KLK1: variants seen among roughly 807,000 people sequenced by gnomAD.
The protein encoded by KLK1 is kallikrein 1.
Under a neutral mutation model 23.3 loss-of-function variants are expected in KLK1, and 22 were observed. The observed-to-expected ratio is 0.95, with a 90% CI of 0.68 to 1.35. The LOEUF (loss-of-function observed/expected upper bound fraction) is 1.35, where lower values mean the gene tolerates loss of function less well. KLK1 is among the 40% of genes most tolerant of loss of function. The pLI, the probability that KLK1 is intolerant of heterozygous loss-of-function variation, is 0.00. For missense variants in KLK1, 301 were observed against 338.9 expected, an observed-to-expected ratio of 0.89 and a Z score of 0.88; for synonymous variants, 140 against 135.8, an observed-to-expected ratio of 1.03 and a Z score of -0.21.
At chr19:50,820,067 C>T (rs756775510) in intron 3 of KLK1, 32 bp from the exon 4 acceptor site, 11 of 1,612,878 alleles carry the variant, frequency 6.8e-6, no homozygotes, top group African/African-American at 2.7e-5. Context: ...GGCTGCAGCC[C>T]GACCTCACCT....
chr19:50,819,484 G>T, intron 4 of KLK1, 135 bp from the exon 5 acceptor site: 1 of 866,796 alleles, frequency 1.2e-6, no homozygotes, highest in Non-Finnish European at 1.7e-6. Context: ...CCACAGAGGG[G>T]ACAGGGTCTC....
At position 50,821,673 on chromosome 19, in the gene KLK1, C is replaced by G; in HGVS notation, c.206+39G>C. 1 of 1,538,640 alleles carries G rather than the reference C, an allele frequency of 6.5e-7. No homozygotes were observed. Among genetic ancestry groups the G allele is most frequent in the Non-Finnish European group, 8.8e-7 (1 of 1,139,422 alleles). ...CACTGGCCTGTCAATCCTGTGGCAG[C>G]ATAGATGCCCTCCTCCCAGACCCCA... On this transcript the variant is annotated intron_variant, in intron 2 of 4. Transcript: ENST00000301420. The surrounding 1 kb of genome is among the most constrained non-coding windows in gnomAD (Gnocchi z 5.6).
chr19:50,820,769 G>A (rs1049425201), intron 2 of KLK1: 4 of 229,898 alleles, frequency 1.7e-5, no homozygotes, highest in African/African-American at 6.9e-5. Flanking sequence ...CAGGGACAGC[G>A]AGAAACAGGC....
Position 50,821,609 on chromosome 19 carries a change from A to T in KLK1, c.206+103T>A, listed in dbSNP as rs1445982917. 7.1e-7 allele frequency: 1 copy of T among 1,409,812 alleles called. No individual in the cohort carries two copies. The highest frequency in any genetic ancestry group is 2.6e-5 in the East Asian group (1 of 38,688). The allele number at this position is 1,409,812 out of a possible 1,614,324, so 87.3% of individuals were successfully genotyped here. A position where few individuals can be genotyped will look rare whatever the true frequency, so the allele number is the denominator to read the frequency against. On this transcript the variant is annotated intron_variant, in intron 2 of 4. Transcript: ENST00000301420. The surrounding 1 kb of genome is among the most constrained non-coding windows in gnomAD (Gnocchi z 5.6). ...GCGCCAGAGCCTTCCTCTCTGCCTC[A>T]GCCCCCCAGTCTTGCCTGAGGTTAT...
At chr19:50,819,842 C>T (rs1169546460) in intron 4 of KLK1, 57 bp downstream of exon 4, 5 of 1,571,906 alleles carry the variant, frequency 3.2e-6, no homozygotes, top group Non-Finnish European at 4.3e-6. Context: ...GAAGCCAGTT[C>T]AGAGGCTGAG....
chr19:50,822,627 G>C, intron 1 of KLK1: 4 of 984,964 alleles, frequency 4.1e-6, no homozygotes, highest in Non-Finnish European at 1.2e-6. Context: ...ACACAGTTGC[G>C]GTCAGGACTG....
intron 4 of KLK1, among the ~76,000 whole-genome samples, 185 bp from the exon 5 acceptor site, chr19:50,819,534 C>A (rs3212837): frequency 0.22 from 33,434 of 152,070 alleles, 4,809 homozygotes; most frequent in East Asian, 0.58. Flanking sequence ...GGGTCCAGCT[C>A]CTGCACATGG....
Position 50,821,806 on chromosome 19 carries a change from A to G in KLK1, c.112T>C (p.Trp38Arg). The stretch of plus-strand genomic sequence containing the variant: ...CTGAAATGGTACAGAGCCGCCTGCC[A>G]GGGCTGGGAATGCTGCTCACACTCC... Reference protein sequence around the residue: ...GWECEQHSQPWQAALYHFSTF... With the variant: ...GWECEQHSQPRQAALYHFSTF... The change falls in exon 2 of 5, where the codon TGG (tryptophan) becomes CGG (arginine). Residue 38 changes from tryptophan to arginine, a missense_variant. Coordinates refer to ENST00000301420, the MANE Select transcript of KLK1 (RefSeq NM_002257.4). The surrounding 1 kb of genome is among the most constrained non-coding windows in gnomAD (Gnocchi z 5.6). 1 of 1,613,916 alleles carries G rather than the reference A, an allele frequency of 6.2e-7. No individual in the cohort carries two copies. Among genetic ancestry groups the G allele is most frequent in the Non-Finnish European group, 8.5e-7 (1 of 1,179,966 alleles).
chr19:50,821,723 A>G lies in KLK1; in HGVS notation c.195T>C (p.His65=). ...AGGCCCCTACTCACTCGCTGATGCA[A>G]TGAGCAGCTGTGAGCACCCACTGGC... ...VHRQWVLTAA[H]CISDNYQLWL... The change falls in exon 2 of 5, where the codon CAT becomes CAC. Residue 65 remains histidine (H), a synonymous_variant. Transcript: ENST00000301420. This position sits in a 1 kb window ranked among gnomAD's most constrained non-coding sequence, Gnocchi z 5.6. The G allele has an allele frequency of 6.2e-7, 1 of 1,610,790 alleles. No individual in the cohort carries two copies. Among genetic ancestry groups the G allele is most frequent in the Non-Finnish European group, 8.5e-7 (1 of 1,178,076 alleles).
chr19:50,823,731 C>T lies in KLK1; in HGVS notation c.18G>A (p.Leu6=), dbSNP rs765464874. 10 of 1,611,136 alleles carry T rather than the reference C, an allele frequency of 6.2e-6. No homozygotes were observed. In the Admixed American group the frequency reaches 1.7e-4, roughly 27 times the overall value. Reference sequence around the variant, plus strand: ...TCCCCCCCAGGGACAGGGCGAGGCACAGAACCAGGAACCACATGGTGACAG... The same window carrying T: ...TCCCCCCCAGGGACAGGGCGAGGCATAGAACCAGGAACCACATGGTGACAG... The part of the protein sequence containing the change: MWFLV[L]CLALSLGGTG... The change falls in exon 1 of 5, where the codon CTG becomes CTA. Residue 6 remains leucine (L), a synonymous_variant. Transcript: ENST00000301420.
rs140351554 is a variant in KLK1 at position 50,822,985 on chromosome 19, G to A, written c.46+718C>T. The A allele has an allele frequency of 2.3e-3, 1,986 of 863,088 alleles. 26 individuals carry two copies. In the African/African-American group the frequency reaches 0.034, roughly 15 times the overall value. 53.5% of individuals were successfully genotyped at this position (863,088 alleles called of 1,614,324 possible). On this transcript the variant is annotated intron_variant, in intron 1 of 4. Coordinates refer to ENST00000301420, the MANE Select transcript of KLK1 (RefSeq NM_002257.4). ...GGAACAATTCAGGCAGAGAAGGGCT[G>A]GGGCCTGGGGCGGGATGGAACTTCC...
At position 50,823,770 on chromosome 19, in the gene KLK1, C is replaced by A; in HGVS notation, c.-22G>T. On this transcript the variant is annotated 5_prime_UTR_variant, in exon 1 of 5. Coordinates refer to ENST00000301420, the MANE Select transcript of KLK1 (RefSeq NM_002257.4). ...ACATGGTGACAGAGGTGTCCAGGGG[C>A]CAGCAGGTGGAGGAACTGGGGAACC... The A allele has an allele frequency of 5.0e-6, 8 of 1,605,274 alleles. No homozygotes were observed. Among genetic ancestry groups the A allele is most frequent in the Non-Finnish European group, 6.8e-6 (8 of 1,173,872 alleles).
intron 4 of KLK1, 50 bp from the exon 5 acceptor site, chr19:50,819,399 A>G: frequency 6.5e-7 from 1 of 1,547,766 alleles, no homozygotes; most frequent in Non-Finnish European, 8.8e-7. Flanking sequence ...ACGGGGCCCA[A>G]GTTCTGCCTG....
chr19:50,820,603 C>A (rs2089821424), intron 2 of KLK1, 160 bp from the exon 3 acceptor site: 1 of 577,962 alleles, frequency 1.7e-6, no homozygotes. Context: ...GAAATACAGA[C>A]AGCGAATGGG....
chr19:50,822,602 G>T (rs181641142), intron 1 of KLK1: 81 of 985,526 alleles, frequency 8.2e-5, no homozygotes, highest in Non-Finnish European at 4.8e-6. Context: ...CTGAGGGGAG[G>T]TTGGGGCCCT....
chr19:50,820,382 C>G lies in KLK1; in HGVS notation c.268G>C (p.Val90Leu). 1 of 1,613,562 alleles carries G rather than the reference C, an allele frequency of 6.2e-7. No individual in the cohort carries two copies. Among genetic ancestry groups the G allele is most frequent in the Non-Finnish European group, 8.5e-7 (1 of 1,179,922 alleles). Reference sequence around the variant, plus strand: ...TGTGGGAAGCTCTCACTGACATGAACAAACTGGGCTGTGTTTTCGTCGTCA... The same window carrying G: ...TGTGGGAAGCTCTCACTGACATGAAGAAACTGGGCTGTGTTTTCGTCGTCA... The part of the protein sequence containing the change: ...LFDDENTAQF[V>L]HVSESFPHPG... The change falls in exon 3 of 5, where the codon GTT becomes CTT. Residue 90 changes from valine to leucine, a missense_variant. Coordinates refer to ENST00000301420, the MANE Select transcript of KLK1 (RefSeq NM_002257.4).
At chr19:50,820,681 A>G in intron 2 of KLK1, 1 of 407,898 alleles carries the variant, frequency 2.5e-6, no homozygotes, top group Non-Finnish European at 4.4e-6. Context: ...TCAAAAGGAC[A>G]GAGGGGTGAA....
intron 4 of KLK1, 88 bp downstream of exon 4, chr19:50,819,811 C>A: frequency 2.3e-6 from 3 of 1,325,012 alleles, no homozygotes; most frequent in South Asian, 1.4e-5. Flanking sequence ...AGCAGTGAAG[C>A]AGATGCCTGG....
At chr19:50,819,771 G>T in intron 4 of KLK1, 128 bp downstream of exon 4, 1 of 895,390 alleles carries the variant, frequency 1.1e-6, no homozygotes, top group Non-Finnish European at 1.7e-6. Flanking sequence ...CTGGGGCACT[G>T]ATGGGGCGAG....
Sources: allele counts gnomAD v4.1 joint callset (sites outside exome capture counted in the v4.1 genomes callset), GRCh38; gene constraint gnomAD v4.1.1; non-coding constraint Gnocchi (gnomAD v3.1); transcripts MANE v1.5; gene names NCBI Gene and HGNC (gene_info 2026-07-23, HGNC 2026-07-21).